Variants in CELF3 observed in about 807,000 individuals in gnomAD.
CELF3 encodes the protein CUGBP Elav-like family member 3, also known as CAG repeat domain.
A neutral mutation model predicts 59.6 loss-of-function variants in CELF3; 26 were observed. That is an observed-to-expected ratio of 0.44 (90% CI 0.32 to 0.61). CELF3 has a LOEUF of 0.61. Ranked by LOEUF, CELF3 falls within the 20% of genes least tolerant of loss-of-function variation. The pLI is 0.06. For missense variants in CELF3, 387 were observed against 627.2 expected, an observed-to-expected ratio of 0.62 and a Z score of 4.09; for synonymous variants, 245 against 250.7, an observed-to-expected ratio of 0.98 and a Z score of 0.22.
At chr1:151,710,101 G>A (rs909578580) in intron 2 of CELF3, 2 of 387,938 alleles carry the variant, frequency 5.2e-6, no homozygotes, top group South Asian at 3.6e-5. Context: ...TAGGACCCGG[G>A]GCCTGAGAGA....
chr1:151,706,133 C>G, intron 10 of CELF3, 91 bp downstream of exon 10: 1 of 1,605,870 alleles, frequency 6.2e-7, no homozygotes, highest in Non-Finnish European at 8.5e-7. Context: ...CATCCTGACA[C>G]GTGGGCAAGA....
intron 12 of CELF3, among the ~76,000 whole-genome samples, chr1:151,704,578 C>T (rs558586363): frequency 1.3e-5 from 2 of 152,272 alleles, no homozygotes; most frequent in East Asian, 3.9e-4. Flanking sequence ...CCTCACTTCT[C>T]AGGACAACAG....
rs1242859540 is a variant in CELF3, at chr1:151,701,967, G to T, written c.*1492C>A. 1.3e-5 allele frequency among the ~76,000 whole-genome samples: 2 copies of T among 152,186 alleles called. No individual in the cohort carries two copies. The highest frequency in any genetic ancestry group is 4.8e-5 in the African/African-American group (2 of 41,438). On this transcript the variant is annotated 3_prime_UTR_variant, in exon 13 of 13. Coordinates refer to ENST00000290583, the MANE Select transcript of CELF3 (RefSeq NM_007185.7). ...AATAAACTATAGCCTGCCTCACAAG[G>T]TTGTTAGGAGGTAAAATGAGGAAAT...
At position 151,706,134 on chromosome 1, in the gene CELF3, G is replaced by A. The variant is rs528588465; in HGVS notation, c.1126+90C>T. ...TCCCCACTTGCTTTCATCCTGACACGTGGGCAAGAGCTGGGCTCAGCGCGG... is the reference window on the plus strand; with the variant it reads ...TCCCCACTTGCTTTCATCCTGACACATGGGCAAGAGCTGGGCTCAGCGCGG... On this transcript the variant is annotated intron_variant, in intron 10 of 12. Coordinates refer to ENST00000290583, the MANE Select transcript of CELF3 (RefSeq NM_007185.7). The A allele has an allele frequency of 2.9e-4, 469 of 1,606,346 alleles. 3 individuals carry two copies. In the African/African-American group the frequency reaches 5.7e-3, roughly 20 times the overall value.
rs1356896880 is a variant in CELF3, at chr1:151,707,642, G to A, written c.637C>T (p.Gln213Ter). Residue 213 changes from glutamine to a stop codon, truncating the protein, a stop_gained, in exon 7 of 13, where the codon CAG (glutamine) becomes TAG (stop). Transcript: ENST00000290583. LOFTEE classifies it high-confidence loss of function. ...AYSAYTQALM[Q>*]QQAALVAAHS... ...GCCGCTACCAGGGCCGCCTGCTGCT[G>A]CATCAGCTGGGGGGAGGGGAGAGGA... is the stretch of plus-strand genomic sequence containing the variant. The A allele has an allele frequency of 6.2e-7, 1 of 1,606,186 alleles. No individual in the cohort carries two copies.
chr1:151,704,505 C>T (rs141596664), intron 12 of CELF3, among the ~76,000 whole-genome samples: 8 of 152,274 alleles, frequency 5.3e-5, no homozygotes, highest in African/African-American at 1.7e-4. Flanking sequence ...CACTCTGCTG[C>T]CCCATGGGTC....
rs1165792072 is a variant in CELF3, at chr1:151,716,637, G to A, written c.-617C>T. The A allele has an allele frequency of 1.1e-5, 4 of 373,268 alleles. No homozygotes were observed. Among genetic ancestry groups the A allele is most frequent in the East Asian group, 7.9e-5 (1 of 12,652 alleles). 23.1% of individuals were successfully genotyped at this position (373,268 alleles called of 1,614,324 possible). ...CGGCAGGGCTCCAGGGGTCCCTTTTGCCCTGCCGCCCCCCTTCAGGTCCTC... is the reference window on the plus strand; with the variant it reads ...CGGCAGGGCTCCAGGGGTCCCTTTTACCCTGCCGCCCCCCTTCAGGTCCTC... On this transcript the variant is annotated 5_prime_UTR_variant, in exon 1 of 13. Transcript: ENST00000290583.
intron 9 of CELF3, 77 bp downstream of exon 9, chr1:151,706,592 C>A: frequency 6.9e-7 from 1 of 1,455,152 alleles, no homozygotes; most frequent in Non-Finnish European, 9.4e-7. Flanking sequence ...GCCAAGAAGC[C>A]CAGACCCAGT....
intron 2 of CELF3, among the ~76,000 whole-genome samples, chr1:151,714,137 G>A (rs1220297699): frequency 2.0e-5 from 3 of 152,134 alleles, no homozygotes; most frequent in Admixed American, 6.5e-5. Context: ...AACCAGCACC[G>A]AGATGCCAAT....
intron 2 of CELF3, among the ~76,000 whole-genome samples, chr1:151,711,597 G>T (rs1673025349): frequency 6.6e-6 from 1 of 152,240 alleles, no homozygotes; most frequent in African/African-American, 2.4e-5. Context: ...ATGTGTGTGC[G>T]GGTGCGCATG....
chr1:151,716,011 G>C lies in CELF3; in HGVS notation c.10C>G (p.Pro4Ala), dbSNP rs1337642555. The C allele has an allele frequency of 6.2e-7, 1 of 1,612,418 alleles. No individual in the cohort carries two copies. Among genetic ancestry groups the C allele is most frequent in the South Asian group, 1.1e-5 (1 of 90,754 alleles). ...CCCACAAACAGCTTGATGGCATCCG[G>C]CTCCTTCATTGAGGCGGCCCAGGAG... MKEPDAIKLFVGQI... is the reference protein window; with the variant it reads MKEADAIKLFVGQI... Residue 4 changes from proline (P) to alanine (A), a missense_variant, in exon 1 of 13, where the codon CCG becomes GCG. Transcript: ENST00000290583.
At chr1:151,703,836 C>G (rs1341640394) in intron 12 of CELF3, among the ~76,000 whole-genome samples, 2 of 152,102 alleles carry the variant, frequency 1.3e-5, no homozygotes, top group African/African-American at 4.8e-5. Context: ...AGAAAGGGAA[C>G]ACCCGCAGAG....
Position 151,709,969 on chromosome 1 carries a change from C to A in CELF3, c.229-178G>T. The A allele has an allele frequency of 1.5e-6, 1 of 658,412 alleles. No homozygotes were observed. Among genetic ancestry groups the A allele is most frequent in the Non-Finnish European group, 2.7e-6 (1 of 363,924 alleles). The allele number at this position is 658,412 out of a possible 1,614,324, so 40.8% of individuals were successfully genotyped here. ...GATGAAGGCCTGAGGGGATCAGAGG[C>A]ACAGAGAGAGAGGATGTAGAGGGAG... On this transcript the variant is annotated intron_variant, in intron 2 of 12. Transcript: ENST00000290583. The surrounding 1 kb of genome is among the most constrained non-coding windows in gnomAD (Gnocchi z 4.9).
rs763456582 is a variant in CELF3 at position 151,709,566 on chromosome 1, T to C, written c.277+177A>G. The C allele has an allele frequency of 1.1e-6, 1 of 916,430 alleles. No individual in the cohort carries two copies. Among genetic ancestry groups the C allele is most frequent in the Non-Finnish European group, 1.7e-6 (1 of 588,856 alleles). The allele number at this position is 916,430 out of a possible 1,614,324, so 56.8% of individuals were successfully genotyped here. On this transcript the variant is annotated intron_variant, in intron 3 of 12. Transcript: ENST00000290583. This position sits in a 1 kb window ranked among gnomAD's most constrained non-coding sequence, Gnocchi z 4.9. ...TCCACCCTGGGCCTCAGTTTTGCCA[T>C]CTGTACCCGCCCCAGATCTCACCCG...
chr1:151,715,885 G>C lies in CELF3; in HGVS notation c.136C>G (p.Leu46Val). ...LTVIKDKYTG[L>V]HKGCAFLTYC... is the part of the protein sequence containing the mutation. Reference sequence around the variant, plus strand: ...CTGCCCGACCCCTCACCCTTGTGCAGCCCGGTGTACTTGTCCTTGATGACA... The same window carrying C: ...CTGCCCGACCCCTCACCCTTGTGCACCCCGGTGTACTTGTCCTTGATGACA... The change falls in exon 1 of 13, where the codon CTG becomes GTG. Residue 46 changes from leucine to valine, a missense_variant. Leu to Val is a conservative substitution (Grantham distance 32, BLOSUM62 1). This residue lies in a region of CELF3 where 208 missense variants were observed against 354.8 expected (regional missense o/e 0.59). Coordinates refer to ENST00000290583, the MANE Select transcript of CELF3 (RefSeq NM_007185.7). 6.2e-7 allele frequency: 1 copy of C among 1,613,498 alleles called. No individual in the cohort carries two copies. The highest frequency in any genetic ancestry group is 8.5e-7 in the Non-Finnish European group (1 of 1,179,680).
chr1:151,703,321 G>GC lies in CELF3; in HGVS notation c.*137dup, dbSNP rs1204147849. The GC allele has an allele frequency of 8.8e-6, 4 of 453,620 alleles. No homozygotes were observed. The highest frequency in any genetic ancestry group is 1.4e-4 in the East Asian group (2 of 14,326). 28.1% of individuals were successfully genotyped at this position (453,620 alleles called of 1,614,324 possible). ...GGGGTGGGAGGGGCCGGTGTCTTGT[G>GC]CCCCCGGGGGCCACGAAGCAGCGTT... On this transcript the variant is annotated 3_prime_UTR_variant, in exon 13 of 13. Coordinates refer to ENST00000290583, the MANE Select transcript of CELF3 (RefSeq NM_007185.7).
At chr1:151,704,283 G>GT (rs1672329797) in intron 12 of CELF3, among the ~76,000 whole-genome samples, 1 of 152,176 alleles carries the variant, frequency 6.6e-6, no homozygotes, top group African/African-American at 2.4e-5. Context: ...CTTGGGTTGT[G>GT]TTTTCTCAAG....
Position 151,700,738 on chromosome 1 carries a change from AT to A in CELF3, c.*2720del, listed in dbSNP as rs1486853591. Among the ~76,000 whole-genome samples the A allele has an allele frequency of 6.6e-6, 1 of 152,230 alleles. No individual in the cohort carries two copies. Among genetic ancestry groups the A allele is most frequent in the Non-Finnish European group, 1.5e-5 (1 of 68,036 alleles). ...GTTTGTGGAAGTGAAATCTTAAATG[AT>A]TTAATACCATTGAGTTTATGCGAAA... On this transcript the variant is annotated 3_prime_UTR_variant, in exon 13 of 13. Coordinates refer to ENST00000290583, the MANE Select transcript of CELF3 (RefSeq NM_007185.7).
At position 151,700,327 on chromosome 1, in the gene CELF3, GT is replaced by G. The variant is rs1671989355; in HGVS notation, c.*3131del. Among the ~76,000 whole-genome samples the G allele has an allele frequency of 6.6e-6, 1 of 152,174 alleles. No homozygotes were observed. The highest frequency in any genetic ancestry group is 6.5e-5 in the Admixed American group (1 of 15,270). On this transcript the variant is annotated 3_prime_UTR_variant, in exon 13 of 13. Coordinates refer to ENST00000290583, the MANE Select transcript of CELF3 (RefSeq NM_007185.7). ...AAGAAAGTAGTGTTTAAGGTGAACT[GT>G]TTTAGTGTGAGAAGGATTTCAACAA...
Sources: allele counts gnomAD v4.1 joint callset (sites outside exome capture counted in the v4.1 genomes callset), GRCh38; gene constraint gnomAD v4.1.1; regional missense constraint gnomAD v4.1.1; non-coding constraint Gnocchi (gnomAD v3.1); transcripts MANE v1.5; gene names NCBI Gene and HGNC (gene_info 2026-07-23, HGNC 2026-07-21).